Variants in ZC3H11A observed in about 807,000 individuals in gnomAD.
The protein encoded by ZC3H11A is zinc finger CCCH domain-containing protein 11A.
Under a neutral mutation model 90.8 loss-of-function variants are expected in ZC3H11A, and 22 were observed. The ratio of observed to expected loss-of-function variants is 0.24; its 90% CI spans 0.17 to 0.35. The LOEUF is 0.35. Among genes scored for constraint, ZC3H11A ranks in the 10% least tolerant of loss-of-function variants. The pLI is 1.00. For missense variants in ZC3H11A, 701 were observed against 964.9 expected (o/e 0.73, Z 3.62); for synonymous variants, 294 against 339.8 (o/e 0.87, Z 1.48).
At chr1:203,835,486 A>G (rs925334145) in intron 10 of ZC3H11A, 1 of 156,528 alleles carries the variant, frequency 6.4e-6, no homozygotes, top group African/African-American at 2.4e-5. Context: ...ATCAAGAAAC[A>G]ATAACAGTTC....
Position 203,828,413 on chromosome 1 carries a change from C to T in ZC3H11A, c.289C>T (p.Pro97Ser). The change falls in exon 5 of 18, where the codon CCG (proline) becomes TCG (serine). Residue 97 changes from proline to serine, a missense_variant. Coordinates refer to ENST00000367210, the MANE Select transcript of ZC3H11A (RefSeq NM_001376342.1). ...GRYVDGLFLP[P>S]SKTVLPTVPE... ...ATATGTTGATGGCCTTTTCCTACCT[C>T]CGAGCAAAAGTGAGATCAGTTTTTA... 3 of 1,612,042 alleles carry T rather than the reference C, an allele frequency of 1.9e-6. No homozygotes were observed. Among genetic ancestry groups the T allele is most frequent in the Non-Finnish European group, 2.5e-6 (3 of 1,178,804 alleles).
intron 1 of ZC3H11A, chr1:203,798,438 C>T: frequency 6.5e-7 from 1 of 1,535,734 alleles, no homozygotes; most frequent in Non-Finnish European, 8.7e-7. Context: ...GACTTCAACA[C>T]TTCAACGACA....
chr1:203,799,868 T>A (rs1293747096), intron 1 of ZC3H11A: 1 of 1,535,486 alleles, frequency 6.5e-7, no homozygotes, highest in Non-Finnish European at 8.7e-7. Context: ...AAGACTTTTT[T>A]CCTCAAGGTG....
intron 4 of ZC3H11A, among the ~76,000 whole-genome samples, chr1:203,824,097 G>A (rs572473544): frequency 6.6e-6 from 1 of 152,042 alleles, no homozygotes; most frequent in South Asian, 2.1e-4. Context: ...GTGAAACCCC[G>A]TCTCTACTCA....
chr1:203,832,770 G>C (rs1446698758), intron 9 of ZC3H11A, among the ~76,000 whole-genome samples: 1 of 152,234 alleles, frequency 6.6e-6, no homozygotes, highest in African/African-American at 2.4e-5. Context: ...AAGAAAGAGA[G>C]CTCACTTCTT....
At position 203,816,927 on chromosome 1, in the gene ZC3H11A, A is replaced by T. The variant is rs1676579422; in HGVS notation, c.-144A>T. On this transcript the variant is annotated splice_region_variant and 5_prime_UTR_variant, in exon 3 of 18. Transcript: ENST00000367210. ...TAATTCATTGTCTCCTCATTTTAGGATTACAGTTTAAAGACAATTTCTGTG... is the reference window on the plus strand; with the variant it reads ...TAATTCATTGTCTCCTCATTTTAGGTTTACAGTTTAAAGACAATTTCTGTG... 1.8e-6 allele frequency: 1 copy of T among 556,568 alleles called. No individual in the cohort carries two copies. Among genetic ancestry groups the T allele is most frequent in the Non-Finnish European group, 3.2e-6 (1 of 313,744 alleles). 34.5% of individuals were successfully genotyped at this position (556,568 alleles called of 1,614,324 possible).
intron 4 of ZC3H11A, among the ~76,000 whole-genome samples, chr1:203,825,507 T>C (rs1680234409): frequency 7.0e-6 from 1 of 143,064 alleles, no homozygotes; most frequent in Non-Finnish European, 1.5e-5. Flanking sequence ...CCATCTTGGC[T>C]CACTGAAACT....
chr1:203,819,195 T>C lies in ZC3H11A; in HGVS notation c.174+506T>C, dbSNP rs116557061. Among the ~76,000 whole-genome samples, 992 of 151,080 alleles carry C rather than the reference T, an allele frequency of 6.6e-3. 10 individuals are homozygous for C. Among genetic ancestry groups the C allele is most frequent in the African/African-American group, 0.022 (926 of 41,196 alleles). Reference sequence around the variant, plus strand: ...GTGTGTGTATATATATACACAACTTTCCTCTATGCAATTTTTTTTTCTTTC... The same window carrying C: ...GTGTGTGTATATATATACACAACTTCCCTCTATGCAATTTTTTTTTCTTTC... On this transcript the variant is annotated intron_variant, in intron 4 of 17. Coordinates refer to ENST00000367210, the MANE Select transcript of ZC3H11A (RefSeq NM_001376342.1).
At chr1:203,849,407 A>G (rs1688737222) in intron 14 of ZC3H11A, among the ~76,000 whole-genome samples, 1 of 152,226 alleles carries the variant, frequency 6.6e-6, no homozygotes, top group African/African-American at 2.4e-5. Context: ...TACACAATTT[A>G]AAGTAATATA....
intron 4 of ZC3H11A, among the ~76,000 whole-genome samples, chr1:203,825,999 CAG>C (rs1368042229): frequency 2.0e-5 from 3 of 151,976 alleles, no homozygotes; most frequent in South Asian, 2.1e-4. Context: ...GATACTGTTA[CAG>C]AAGTCATTCA....
At chr1:203,797,232 G>T (rs1196581757) in intron 1 of ZC3H11A, 2 of 200,536 alleles carry the variant, frequency 1.0e-5, no homozygotes, top group Admixed American at 5.7e-5. Context: ...CTGGGAAAGG[G>T]GGACTCAGTT....
rs1572358805 is a variant in ZC3H11A at position 203,847,617 on chromosome 1, C to T, written c.1476C>T (p.Ser492=). The change falls in exon 13 of 18, where the codon AGC becomes AGT. Residue 492 remains serine (S), a synonymous_variant. Coordinates refer to ENST00000367210, the MANE Select transcript of ZC3H11A (RefSeq NM_001376342.1). ...GGGTGCAGCAGAGCTCTGAGAGCAG[C>T]ACCAGCTCCCCGTCTCAACACGAGG... ...ALRVQQSSES[S]TSSPSQHEAT... 3.7e-6 allele frequency: 6 copies of T among 1,613,446 alleles called. No individual in the cohort carries two copies. In the Middle Eastern group the frequency reaches 5.0e-4, roughly 133 times the overall value.
chr1:203,815,211 C>CTTTCTTTTTTTTT (rs779729339), intron 2 of ZC3H11A, among the ~76,000 whole-genome samples: 2 of 59,398 alleles, frequency 3.4e-5, no homozygotes, highest in East Asian at 7.3e-4. Context: ...TCTTCCTTTT[C>CTTTCTTTTTTTTT]TTTTCTTTTT....
chr1:203,849,728 A>G lies in ZC3H11A; in HGVS notation c.1641A>G (p.Thr547=), dbSNP rs1474559599. ...ATCCACAGGCTTCAGGTGAGACCACAGGAGTTGACATCACTAAAATTCAAG... is the reference window on the plus strand; with the variant it reads ...ATCCACAGGCTTCAGGTGAGACCACGGGAGTTGACATCACTAAAATTCAAG... ...TEAKEASGET[T]GVDITKIQVK... Residue 547 remains threonine, a synonymous_variant, in exon 15 of 18, where the codon ACA becomes ACG. Transcript: ENST00000367210. 2 of 1,613,970 alleles carry G rather than the reference A, an allele frequency of 1.2e-6. No homozygotes were observed. Among genetic ancestry groups the G allele is most frequent in the African/African-American group, 1.3e-5 (1 of 75,040 alleles).
chr1:203,828,674 A>C (rs1405443811), intron 5 of ZC3H11A, among the ~76,000 whole-genome samples: 1 of 152,186 alleles, frequency 6.6e-6, no homozygotes, highest in Non-Finnish European at 1.5e-5. Flanking sequence ...CAGACCCATA[A>C]ACGTTTTCAA....
intron 5 of ZC3H11A, 114 bp from the exon 6 acceptor site, chr1:203,829,337 A>T: frequency 2.9e-6 from 3 of 1,049,434 alleles, no homozygotes; most frequent in Non-Finnish European, 4.2e-6. Context: ...GAGGAAATTT[A>T]GTATAAATGC....
At chr1:203,816,400 G>A (rs1425756459) in intron 2 of ZC3H11A, among the ~76,000 whole-genome samples, 3 of 152,170 alleles carry the variant, frequency 2.0e-5, no homozygotes, top group Non-Finnish European at 2.9e-5. Flanking sequence ...CAAGTGAGGA[G>A]GATTGCTTGA....
intron 2 of ZC3H11A, among the ~76,000 whole-genome samples, chr1:203,814,494 A>C (rs1222655147): frequency 6.6e-6 from 1 of 152,172 alleles, no homozygotes; most frequent in Non-Finnish European, 1.5e-5. Flanking sequence ...ATTGCATTCC[A>C]GCCTGGGTGA....
At chr1:203,817,154 T>C (rs765710360) in intron 3 of ZC3H11A, 30 bp downstream of exon 3, 1 of 1,557,100 alleles carries the variant, frequency 6.4e-7, no homozygotes, top group South Asian at 1.2e-5. Flanking sequence ...AATCAGTTCT[T>C]TCTACAATTT....
Sources: gnomAD v4.1 joint callset for allele counts (sites outside exome capture counted in the v4.1 genomes callset) on GRCh38, gnomAD v4.1.1 for gene constraint, MANE v1.5 for transcripts, NCBI Gene and HGNC (gene_info 2026-07-23, HGNC 2026-07-21) for gene names.